Variants in HSPB7 observed in about 807,000 individuals in gnomAD.
HSPB7 encodes the protein heat shock protein family B (small) member 7.
HSPB7 carries 9 observed loss-of-function variants against 11.0 expected under a neutral mutation model. The observed-to-expected ratio is 0.82, with a 90% CI of 0.49 to 1.43. HSPB7 has a LOEUF of 1.43. Among genes scored for constraint, HSPB7 ranks in the 40% most tolerant of loss-of-function variants. HSPB7 has a pLI of 0.00. For missense variants in HSPB7, 246 were observed against 243.9 expected (o/e 1.01, Z -0.06); for synonymous variants, 102 against 101.6 (o/e 1.00, Z -0.02).
chr1:16,015,288 T>G lies in HSPB7; in HGVS notation c.*292A>C. 2.5e-6 allele frequency: 1 copy of G among 393,656 alleles called. No individual in the cohort carries two copies. The highest frequency in any genetic ancestry group is 5.7e-5 in the East Asian group (1 of 17,566). 24.4% of individuals were successfully genotyped at this position (393,656 alleles called of 1,614,324 possible). Reference sequence around the variant, plus strand: ...ATATGTCCTGCTGGTCCCATTCCCCTGACCCACAGTGGGTTCTTTAGATCT... The same window carrying G: ...ATATGTCCTGCTGGTCCCATTCCCCGGACCCACAGTGGGTTCTTTAGATCT... On this transcript the variant is annotated 3_prime_UTR_variant, in exon 3 of 3. Coordinates refer to ENST00000311890, the MANE Select transcript of HSPB7 (RefSeq NM_014424.5). The surrounding 1 kb of genome is among the most constrained non-coding windows in gnomAD (Gnocchi z 4.9).
At chr1:16,016,653 C>T (rs1248548302) in intron 2 of HSPB7, among the ~76,000 whole-genome samples, 1 of 151,752 alleles carries the variant, frequency 6.6e-6, no homozygotes, top group Non-Finnish European at 1.5e-5. Context: ...CATGGAGAAA[C>T]CCCTCCCCCC....
chr1:16,018,214 T>C (rs2021916908), upstream of HSPB7: 1 of 1,489,048 alleles, frequency 6.7e-7, no homozygotes, highest in Non-Finnish European at 9.0e-7. Flanking sequence ...AGGGCTGAGC[T>C]CACAGCCTGA....
intron 2 of HSPB7, among the ~76,000 whole-genome samples, chr1:16,016,820 C>T (rs1439592222): frequency 6.6e-6 from 1 of 152,194 alleles, no homozygotes; most frequent in Non-Finnish European, 1.5e-5. Flanking sequence ...CATCCCTCTC[C>T]CATTCCTCGG....
intron 2 of HSPB7, among the ~76,000 whole-genome samples, chr1:16,016,827 T>C (rs1739844): frequency 0.62 from 93,236 of 151,514 alleles, 29,143 homozygotes; most frequent in East Asian, 0.78. Flanking sequence ...CTCCCATTCC[T>C]CGGAGGCTCC....
In HSPB7 at chr1:16,015,414, T is replaced by C; in HGVS notation, c.*166A>G. ...AGGCCAGGGAGTCCCTGGCCTGCCC[T>C]GGATAGAGTGGAGGGCCCTAGTTTG... On this transcript the variant is annotated 3_prime_UTR_variant, in exon 3 of 3. Coordinates refer to ENST00000311890, the MANE Select transcript of HSPB7 (RefSeq NM_014424.5). This position sits in a 1 kb window ranked among gnomAD's most constrained non-coding sequence, Gnocchi z 4.9. The C allele has an allele frequency of 2.6e-5, 16 of 626,788 alleles. No homozygotes were observed. The highest frequency in any genetic ancestry group is 3.9e-5 in the Non-Finnish European group (14 of 358,934). The allele number at this position is 626,788 out of a possible 1,614,324, so 38.8% of individuals were successfully genotyped here. A position where few individuals can be genotyped will look rare whatever the true frequency, so the allele number is the denominator to read the frequency against.
In HSPB7 at chr1:16,015,682, C is replaced by T. The variant is rs945260249; in HGVS notation, c.411G>A (p.Val137=). The T allele has an allele frequency of 3.7e-6, 6 of 1,613,382 alleles. No homozygotes were observed. Among genetic ancestry groups the T allele is most frequent in the Middle Eastern group, 3.3e-4 (2 of 6,052 alleles). ...QLPEDVDPTS[V]TSALREDGSL... ...TGCCGTCCTCCCGCAGAGCCGAGGT[C>T]ACCGACGTCGGGTCCACGTCCTCCG... Residue 137 remains valine, a synonymous_variant, in exon 3 of 3, where the codon GTG becomes GTA. Coordinates refer to ENST00000311890, the MANE Select transcript of HSPB7 (RefSeq NM_014424.5). This position sits in a 1 kb window ranked among gnomAD's most constrained non-coding sequence, Gnocchi z 4.9.
chr1:16,017,700 G>T, intron 1 of HSPB7, 65 bp downstream of exon 1: 1 of 1,388,260 alleles, frequency 7.2e-7, no homozygotes, highest in Non-Finnish European at 9.8e-7. Context: ...CGCCTTCGGT[G>T]GCGCCCTGGA....
chr1:16,016,953 A>T lies in HSPB7; in HGVS notation c.333+121T>A, dbSNP rs189137394. The T allele has an allele frequency of 4.7e-4, 460 of 973,876 alleles. No homozygotes were observed. The African/African-American group carries it at 6.7e-3, about 14-fold the overall frequency. The allele number at this position is 973,876 out of a possible 1,614,324, so 60.3% of individuals were successfully genotyped here. Reference sequence around the variant, plus strand: ...CAAGGCCTTCAGTTAGCCCTGGGGGAGTTTGGGTGGGGAAGGGACACTGGC... The same window carrying T: ...CAAGGCCTTCAGTTAGCCCTGGGGGTGTTTGGGTGGGGAAGGGACACTGGC... On this transcript the variant is annotated intron_variant, in intron 2 of 2. Transcript: ENST00000311890.
upstream of HSPB7, chr1:16,018,455 T>TG: frequency 2.6e-6 from 3 of 1,149,828 alleles, no homozygotes; most frequent in Non-Finnish European, 3.2e-6. Context: ...GCAGGCTCCT[T>TG]GGGGACAGGG....
At chr1:16,018,555 C>T, upstream of HSPB7, 6 of 1,072,344 alleles carry the variant, frequency 5.6e-6, no homozygotes, top group Non-Finnish European at 6.8e-6. Context: ...AAAGGTTGAG[C>T]CCTGCCAGGG....
chr1:16,017,491 C>T (rs371603671), intron 1 of HSPB7: 1 of 589,036 alleles, frequency 1.7e-6, no homozygotes, highest in Non-Finnish European at 3.0e-6. Context: ...TCCAGCCCTC[C>T]AGGGCTCCAG....
intron 1 of HSPB7, 41 bp downstream of exon 1, chr1:16,017,724 C>G (rs1329523440): frequency 6.7e-7 from 1 of 1,503,238 alleles, no homozygotes; most frequent in East Asian, 2.4e-5. Context: ...GACGTCCCCT[C>G]CCTGTGCACC....
rs1398090353 is a variant in HSPB7, at chr1:16,017,778, G to C, written c.186C>G (p.Pro62=). ...FGSFMRPHSE[P]LAFPARPGGA... is the part of the protein sequence containing the mutation. ...CGGATCACTTGCCTGGGAAGGCCAG[G>C]GGCTCCGAGTGGGGCCGCATGAAGC... The change falls in exon 1 of 3, where the codon CCC becomes CCG. Residue 62 remains proline, a synonymous_variant. Transcript: ENST00000311890. The C allele has an allele frequency of 2.5e-6, 4 of 1,604,724 alleles. No individual in the cohort carries two copies. The South Asian group carries it at 3.4e-5, about 13-fold the overall frequency.
At position 16,015,548 on chromosome 1, in the gene HSPB7, CG is replaced by C. The variant is rs1018073187; in HGVS notation, c.*31del. ...CGAGGCTTTGCTGGCAGGCGTGGGG[CG>C]GGGGGACAGGGAAAGGGAAGGGAGA... On this transcript the variant is annotated 3_prime_UTR_variant, in exon 3 of 3. Transcript: ENST00000311890. This position sits in a 1 kb window ranked among gnomAD's most constrained non-coding sequence, Gnocchi z 4.9. 2.1e-5 allele frequency: 34 copies of C among 1,602,740 alleles called. No individual in the cohort carries two copies. The African/African-American group carries it at 4.2e-4, about 20-fold the overall frequency.
chr1:16,019,143 G>GGCCA (rs1232086720), upstream of HSPB7: 1 of 1,549,162 alleles, frequency 6.5e-7, no homozygotes, highest in African/African-American at 1.4e-5. Context: ...CCTTGCCCTG[G>GGCCA]GCCAGGGTGG....
chr1:16,017,006 G>T, intron 2 of HSPB7, 68 bp downstream of exon 2: 1 of 1,504,918 alleles, frequency 6.6e-7, no homozygotes, highest in Non-Finnish European at 9.1e-7. Context: ...GGATGGTAAG[G>T]GGGAGTAGGA....
At chr1:16,016,942 A>T (rs546010482) in intron 2 of HSPB7, 132 bp downstream of exon 2, 25 of 892,226 alleles carry the variant, frequency 2.8e-5, no homozygotes, top group Non-Finnish European at 4.1e-5. Flanking sequence ...GCCTTCAGTT[A>T]GCCCTGGGGG....
Position 16,017,423 on chromosome 1 carries a change from T to G in HSPB7, c.200-216A>C, listed in dbSNP as rs1288977380. ...CAGTGTGTGTGTATATGAGGCTAGG[T>G]CTGTAACAACCCCACCCCAGGCCTG... On this transcript the variant is annotated intron_variant, in intron 1 of 2. Coordinates refer to ENST00000311890, the MANE Select transcript of HSPB7 (RefSeq NM_014424.5). 6.4e-6 allele frequency: 4 copies of G among 621,546 alleles called. No individual in the cohort carries two copies. The African/African-American group carries it at 7.4e-5, about 11-fold the overall frequency. 38.5% of individuals were successfully genotyped at this position (621,546 alleles called of 1,614,324 possible). A position where few individuals can be genotyped will look rare whatever the true frequency, so the allele number is the denominator to read the frequency against.
intron 2 of HSPB7, among the ~76,000 whole-genome samples, chr1:16,016,327 C>G (rs1368833629): frequency 6.6e-6 from 1 of 152,160 alleles, no homozygotes; most frequent in African/African-American, 2.4e-5. Flanking sequence ...GAAGCCAGTC[C>G]TTGGGGGCTT....
Sources: allele counts gnomAD v4.1 joint callset (sites outside exome capture counted in the v4.1 genomes callset), GRCh38; gene constraint gnomAD v4.1.1; non-coding constraint Gnocchi (gnomAD v3.1); transcripts MANE v1.5; gene names NCBI Gene and HGNC (gene_info 2026-07-23, HGNC 2026-07-21).